Variants in FHIT observed in about 807,000 individuals in gnomAD.
The protein encoded by FHIT is fragile histidine triad diadenosine triphosphatase, also known as bis(5'-adenosyl)-triphosphatase.
FHIT carries 19 observed loss-of-function variants against 17.9 expected under a neutral mutation model. The observed-to-expected ratio is 1.06, with a 90% CI of 0.74 to 1.56. FHIT has a LOEUF of 1.56. FHIT is among the 40% of genes most tolerant of loss of function. The pLI, the probability that FHIT is intolerant of heterozygous loss-of-function variation, is 0.00. For missense variants in FHIT, 248 were observed against 189.2 expected (o/e 1.31, Z -1.82); for synonymous variants, 81 against 69.7 (o/e 1.16, Z -0.81).
intron 5 of FHIT, among the ~76,000 whole-genome samples, chr3:60,086,998 T>C (rs1703521921): frequency 1.3e-5 from 2 of 152,144 alleles, no homozygotes; most frequent in South Asian, 4.1e-4. Flanking sequence ...GATCTATGAG[T>C]CATCTCTAAA....
chr3:60,640,770 C>T (rs542661050), intron 4 of FHIT, among the ~76,000 whole-genome samples: 217 of 152,250 alleles, frequency 1.4e-3, no homozygotes, highest in African/African-American at 5.0e-3. Context: ...AGAATGCTTG[C>T]TCATTTTATT....
At chr3:60,973,807 G>A (rs1055488842) in intron 3 of FHIT, among the ~76,000 whole-genome samples, 1 of 152,140 alleles carries the variant, frequency 6.6e-6, no homozygotes, top group African/African-American at 2.4e-5. Flanking sequence ...GTATGGAAGA[G>A]TGGAGAAGGG....
rs902004712 is a variant in FHIT, at chr3:60,439,739, G to C, written c.103+97121C>G. On this transcript the variant is annotated intron_variant, in intron 5 of 9. Transcript: ENST00000492590. ...GAATCACTCTTTTCTAAACTCCCAG[G>C]CTCCTCAAAGAGCAGAAGTGCAGGC... Among the ~76,000 whole-genome samples the C allele has an allele frequency of 2.0e-5, 3 of 152,184 alleles. No individual in the cohort carries two copies. In the South Asian group the frequency reaches 6.2e-4, roughly 32 times the overall value.
At chr3:60,758,408 G>A (rs1699523690) in intron 4 of FHIT, among the ~76,000 whole-genome samples, 1 of 152,208 alleles carries the variant, frequency 6.6e-6, no homozygotes, top group South Asian at 2.1e-4. Flanking sequence ...CAGGAAGAGA[G>A]AAGCAAGATA....
At chr3:59,883,163 G>A (rs1703478473) in intron 8 of FHIT, among the ~76,000 whole-genome samples, 1 of 152,062 alleles carries the variant, frequency 6.6e-6, no homozygotes, top group Non-Finnish European at 1.5e-5. Flanking sequence ...AAATTAAATT[G>A]TGTAATTTGA....
At chr3:59,935,380 T>C (rs1706184804) in intron 7 of FHIT, among the ~76,000 whole-genome samples, 1 of 152,136 alleles carries the variant, frequency 6.6e-6, no homozygotes, top group African/African-American at 2.4e-5. Context: ...CTTTTCTTCC[T>C]CTGAGTTTTA....
intron 5 of FHIT, among the ~76,000 whole-genome samples, chr3:60,187,422 A>T (rs1358375422): frequency 6.6e-6 from 1 of 151,912 alleles, no homozygotes; most frequent in Non-Finnish European, 1.5e-5. Flanking sequence ...ATGGAGGGAA[A>T]CTCTTGGATT....
chr3:60,889,533 T>A (rs1553760159), intron 3 of FHIT, among the ~76,000 whole-genome samples: 1 of 152,218 alleles, frequency 6.6e-6, no homozygotes, highest in Non-Finnish European at 1.5e-5. Context: ...CCAGACCAAC[T>A]GCTCACTGAT....
chr3:60,008,711 T>C (rs1474336565), intron 7 of FHIT, among the ~76,000 whole-genome samples: 2 of 152,206 alleles, frequency 1.3e-5, no homozygotes, highest in African/African-American at 2.4e-5. Context: ...GGTTGTCAAA[T>C]GCTGCCTTAA....
intron 7 of FHIT, among the ~76,000 whole-genome samples, chr3:59,946,206 G>A (rs1283163308): frequency 2.6e-5 from 4 of 152,064 alleles, no homozygotes; most frequent in Admixed American, 6.6e-5. Context: ...TTTCAGGAGT[G>A]TTTTATAATT....
intron 4 of FHIT, among the ~76,000 whole-genome samples, chr3:60,755,422 T>C (rs940250657): frequency 2.0e-5 from 3 of 152,214 alleles, no homozygotes; most frequent in Non-Finnish European, 2.9e-5. Flanking sequence ...CTGCATTCTA[T>C]GGATAATATC....
Position 61,092,090 on chromosome 3 carries a change from GA to G in FHIT, c.-163-49992del, listed in dbSNP as rs1222521328. Reference sequence around the variant, plus strand: ...AATGTACTCAAGATTCAGAATCTCTGAAAAAAAAAGAGTGGTGGGGTGGGGG... The same window carrying G: ...AATGTACTCAAGATTCAGAATCTCTGAAAAAAAAGAGTGGTGGGGTGGGGG... On this transcript the variant is annotated intron_variant, in intron 2 of 9. Transcript: ENST00000492590. Among the ~76,000 whole-genome samples the G allele has an allele frequency of 3.5e-3, 343 of 98,446 alleles. 5 individuals carry two copies. The Admixed American group carries it at 0.04, about 11-fold the overall frequency. 64.6% of individuals were successfully genotyped at this position (98,446 alleles called of 152,430 possible).
At chr3:60,340,263 G>A (rs751857421) in intron 5 of FHIT, among the ~76,000 whole-genome samples, 2 of 152,156 alleles carry the variant, frequency 1.3e-5, no homozygotes, top group East Asian at 3.9e-4. Context: ...GAAGTTGAAG[G>A]TAAGGTCACA....
At chr3:60,434,825 A>C (rs1358095298) in intron 5 of FHIT, among the ~76,000 whole-genome samples, 1 of 151,958 alleles carries the variant, frequency 6.6e-6, no homozygotes, top group Non-Finnish European at 1.5e-5. Flanking sequence ...TTCATTCTTT[A>C]CCCATTGCTG....
At chr3:60,182,849 A>C (rs998200241) in intron 5 of FHIT, among the ~76,000 whole-genome samples, 2 of 152,028 alleles carry the variant, frequency 1.3e-5, no homozygotes. Flanking sequence ...ATTCTCTATA[A>C]ATGCTGCCAG....
intron 5 of FHIT, among the ~76,000 whole-genome samples, chr3:60,215,789 G>A (rs550527453): frequency 9.9e-5 from 15 of 152,100 alleles, no homozygotes; most frequent in South Asian, 2.1e-4. Context: ...CTTCCCTTCC[G>A]TACACAAAAC....
intron 3 of FHIT, among the ~76,000 whole-genome samples, chr3:61,003,955 C>T (rs2031271875): frequency 6.6e-6 from 1 of 152,124 alleles, no homozygotes; most frequent in African/African-American, 2.4e-5. Context: ...TGTGAGTGTA[C>T]TTGTGTACTT....
intron 5 of FHIT, among the ~76,000 whole-genome samples, chr3:60,186,507 G>A (rs1321011483): frequency 6.6e-6 from 1 of 152,170 alleles, no homozygotes; most frequent in Non-Finnish European, 1.5e-5. Context: ...TTAACTTGAA[G>A]CCAAGAGCAA....
intron 2 of FHIT, among the ~76,000 whole-genome samples, chr3:61,056,300 G>C (rs2034219148): frequency 6.6e-6 from 1 of 152,176 alleles, no homozygotes; most frequent in Admixed American, 6.5e-5. Context: ...GTGAAGATTG[G>C]GATTAGGGAC....
Sources: gnomAD v4.1 joint callset for allele counts (sites outside exome capture counted in the v4.1 genomes callset) on GRCh38, gnomAD v4.1.1 for gene constraint, MANE v1.5 for transcripts, NCBI Gene and HGNC (gene_info 2026-07-23, HGNC 2026-07-21) for gene names.